Variants in NRXN1 observed in about 807,000 individuals in gnomAD.
The protein encoded by NRXN1 is neurexin-1.
Under a neutral mutation model 150.9 loss-of-function variants are expected in NRXN1, and 39 were observed. The observed-to-expected ratio is 0.26, with a 90% CI of 0.20 to 0.34. The LOEUF (loss-of-function observed/expected upper bound fraction) is 0.34. Among genes scored for constraint, NRXN1 ranks in the 10% least tolerant of loss-of-function variants. The probability of loss-of-function intolerance (pLI) is 1.00; values close to 1 mark genes in which losing one functional copy is unlikely to be tolerated. For synonymous variants in NRXN1, 924 were observed against 757.0 expected (o/e 1.22, Z -3.62); for missense variants, 1,815 against 1,949.9 (o/e 0.93, Z 1.30).
At chr2:50,845,045 T>C (rs565647605) in intron 5 of NRXN1, among the ~76,000 whole-genome samples, 37 of 152,092 alleles carry the variant, frequency 2.4e-4, no homozygotes, top group African/African-American at 8.7e-4. Context: ...TTTGTGTAGA[T>C]AGGCTCCCCC....
At chr2:50,849,161 TA>T (rs5831154) in intron 5 of NRXN1, among the ~76,000 whole-genome samples, 49,367 of 152,072 alleles carry the variant, frequency 0.32, 9,101 homozygotes, top group Non-Finnish European at 0.44. Flanking sequence ...CTGAACTACG[TA>T]ACTCGGAATT....
At chr2:49,981,840 T>C (rs1680041954) in intron 21 of NRXN1, among the ~76,000 whole-genome samples, 1 of 152,148 alleles carries the variant, frequency 6.6e-6, no homozygotes, top group Non-Finnish European at 1.5e-5. Context: ...GATGCACTTA[T>C]TTCATGAAGA....
At chr2:50,329,643 A>T (rs1393352745) in intron 17 of NRXN1, among the ~76,000 whole-genome samples, 3 of 6,556 alleles carry the variant, frequency 4.6e-4, no homozygotes, top group African/African-American at 1.3e-3. Flanking sequence ...ATATATATAT[A>T]TATATATATA....
intron 3 of NRXN1, among the ~76,000 whole-genome samples, chr2:50,923,859 T>A (rs1686461020): frequency 6.6e-6 from 1 of 151,818 alleles, no homozygotes; most frequent in South Asian, 2.1e-4. Context: ...TATTCAAACA[T>A]CTCTGTAGGC....
intron 2 of NRXN1, among the ~76,000 whole-genome samples, chr2:50,940,982 C>T (rs566349690): frequency 5.9e-5 from 9 of 152,212 alleles, no homozygotes; most frequent in South Asian, 4.1e-4. Flanking sequence ...GTAATCCTAA[C>T]GTGTTGGGAG....
intron 2 of NRXN1, among the ~76,000 whole-genome samples, chr2:50,953,401 G>A (rs1691724032): frequency 6.6e-6 from 1 of 152,084 alleles, no homozygotes; most frequent in South Asian, 2.1e-4. Flanking sequence ...TAAGAGTTGT[G>A]CTTTCATAAC....
chr2:50,384,943 A>C (rs2081225607), intron 17 of NRXN1, among the ~76,000 whole-genome samples: 1 of 152,094 alleles, frequency 6.6e-6, no homozygotes, highest in African/African-American at 2.4e-5. Context: ...CCTTCCAATC[A>C]ATGTGTTTTG....
At chr2:50,705,841 G>A (rs911108785) in intron 5 of NRXN1, among the ~76,000 whole-genome samples, 3 of 151,770 alleles carry the variant, frequency 2.0e-5, no homozygotes, top group Non-Finnish European at 2.9e-5. Flanking sequence ...CCCATAGTGC[G>A]ACCACACATA....
At chr2:50,516,150 T>G (rs950698535) in intron 12 of NRXN1, among the ~76,000 whole-genome samples, 1 of 152,206 alleles carries the variant, frequency 6.6e-6, no homozygotes, top group Non-Finnish European at 1.5e-5. Flanking sequence ...ATGGCACTTC[T>G]AAATTTTCCT....
At chr2:50,525,810 C>A (rs372598468) in intron 12 of NRXN1, among the ~76,000 whole-genome samples, 1 of 151,978 alleles carries the variant, frequency 6.6e-6, no homozygotes, top group Non-Finnish European at 1.5e-5. Flanking sequence ...CTTTTCTTCC[C>A]GGGGGGGAAA....
intron 18 of NRXN1, among the ~76,000 whole-genome samples, chr2:50,174,029 TCC>T (rs1278767462): frequency 6.6e-6 from 1 of 151,604 alleles, no homozygotes; most frequent in Non-Finnish European, 1.5e-5. Context: ...TCAATCCCCT[TCC>T]CCACAAAAAT....
intron 16 of NRXN1, among the ~76,000 whole-genome samples, chr2:50,469,660 A>C (rs1324309922): frequency 6.6e-6 from 1 of 151,426 alleles, no homozygotes; most frequent in Admixed American, 6.6e-5. Context: ...TTATTCCTAG[A>C]AACTATACAG....
chr2:50,887,322 A>C (rs776470844), intron 5 of NRXN1, among the ~76,000 whole-genome samples: 2 of 151,510 alleles, frequency 1.3e-5, no homozygotes, highest in African/African-American at 4.8e-5. Context: ...AAGCAGCTAA[A>C]TATTTGCAAA....
chr2:50,764,922 G>A (rs1460519968), intron 5 of NRXN1, among the ~76,000 whole-genome samples: 1 of 152,036 alleles, frequency 6.6e-6, no homozygotes, highest in African/African-American at 2.4e-5. Context: ...TGCTGAAGAT[G>A]TTAAAGATGT....
intron 8 of NRXN1, among the ~76,000 whole-genome samples, chr2:50,585,468 T>G (rs74781349): frequency 0.02 from 3,006 of 152,216 alleles, 63 homozygotes; most frequent in Middle Eastern, 0.058. Context: ...TGAATATACT[T>G]AACGCTAATG....
intron 5 of NRXN1, among the ~76,000 whole-genome samples, chr2:50,889,240 T>C (rs1270445503): frequency 6.6e-6 from 1 of 151,744 alleles, no homozygotes; most frequent in Non-Finnish European, 1.5e-5. Flanking sequence ...AAATGTGCCC[T>C]CTTTCTTTCT....
At chr2:51,023,970 G>C (rs1265128191) in intron 2 of NRXN1, among the ~76,000 whole-genome samples, 1 of 152,168 alleles carries the variant, frequency 6.6e-6, no homozygotes, top group Admixed American at 6.5e-5. Flanking sequence ...AGTGAAAACA[G>C]TCCAATGTGG....
chr2:50,256,939 G>A (rs1559184524), intron 17 of NRXN1, among the ~76,000 whole-genome samples: 1 of 151,998 alleles, frequency 6.6e-6, no homozygotes. Context: ...ACTGAAATGT[G>A]ACTATTATGT....
intron 17 of NRXN1, 47 bp from the exon 18 acceptor site, chr2:50,237,017 G>C: frequency 6.4e-7 from 1 of 1,572,218 alleles, no homozygotes; most frequent in Non-Finnish European, 8.7e-7. Context: ...CATCAAGTCT[G>C]CACATTAGCA....
Sources: gnomAD v4.1 joint callset for allele counts (sites outside exome capture counted in the v4.1 genomes callset) on GRCh38, gnomAD v4.1.1 for gene constraint, MANE v1.5 for transcripts, NCBI Gene and HGNC (gene_info 2026-07-23, HGNC 2026-07-21) for gene names.